The following INSR variants were observed in gnomAD, a reference collection of about 807,000 sequenced individuals.
INSR encodes the protein insulin receptor.
INSR carries 67 observed loss-of-function variants against 142.6 expected under a neutral mutation model. The ratio of observed to expected loss-of-function variants is 0.47; its 90% CI spans 0.39 to 0.58. The LOEUF is 0.58. Ranked by LOEUF, INSR falls within the 20% of genes least tolerant of loss-of-function variation. The pLI is 0.00. For synonymous variants in INSR, 756 were observed against 743.1 expected (o/e 1.02, Z -0.28); for missense variants, 1,248 against 1,833.2 (o/e 0.68, Z 5.83).
At chr19:7,185,917 G>A (rs1047893281) in intron 2 of INSR, among the ~76,000 whole-genome samples, 2 of 140,236 alleles carry the variant, frequency 1.4e-5, no homozygotes, top group Non-Finnish European at 3.1e-5. Context: ...AAAAAAGGCT[G>A]GTTGTGGTGG....
Position 7,166,009 on chromosome 19 carries a change from G to A in INSR, c.1861+145C>T. 3 of 900,036 alleles carry A rather than the reference G, an allele frequency of 3.3e-6. No individual in the cohort carries two copies. Among genetic ancestry groups the A allele is most frequent in the East Asian group, 2.7e-5 (1 of 37,456 alleles). The allele number at this position is 900,036 out of a possible 1,614,324, so 55.8% of individuals were successfully genotyped here. On this transcript the variant is annotated intron_variant, in intron 8 of 21. Transcript: ENST00000302850. The surrounding 1 kb of genome is among the most constrained non-coding windows in gnomAD (Gnocchi z 4.1). ...ACCCCACTGCATTGCACTCTAGCCT[G>A]GGTGACAAAGTAAGACCCTGTCTAA...
At chr19:7,269,237 A>G (rs1967837873) in intron 1 of INSR, among the ~76,000 whole-genome samples, 1 of 151,962 alleles carries the variant, frequency 6.6e-6, no homozygotes, top group South Asian at 2.1e-4. Flanking sequence ...CACCCTGAGA[A>G]TTACCCACAA....
intron 13 of INSR, among the ~76,000 whole-genome samples, chr19:7,140,324 A>C (rs1221075176): frequency 6.6e-6 from 1 of 152,174 alleles, no homozygotes; most frequent in South Asian, 2.1e-4. Context: ...AACCTGGTCC[A>C]CCACGTGTTT....
At position 7,246,030 on chromosome 19, in the gene INSR, C is replaced by T. The variant is rs1976528313; in HGVS notation, c.652+21315G>A. Among the ~76,000 whole-genome samples, 2 of 152,228 alleles carry T rather than the reference C, an allele frequency of 1.3e-5. 1 individual carries two copies. Among genetic ancestry groups the T allele is most frequent in the South Asian group, 4.2e-4 (2 of 4,814 alleles). ...TTAATGTCCTCAGTCACACCATACACAGTCCTGATGTCCAATTGAGCTCCA... is the reference window on the plus strand; with the variant it reads ...TTAATGTCCTCAGTCACACCATACATAGTCCTGATGTCCAATTGAGCTCCA... On this transcript the variant is annotated intron_variant, in intron 2 of 21. Transcript: ENST00000302850.
chr19:7,280,112 A>G (rs1197722544), intron 1 of INSR, among the ~76,000 whole-genome samples: 4 of 151,446 alleles, frequency 2.6e-5, no homozygotes. Flanking sequence ...AAAAATACAA[A>G]AATTAGCCGG....
At chr19:7,167,941 C>G in intron 7 of INSR, 27 bp downstream of exon 7, 1 of 1,613,620 alleles carries the variant, frequency 6.2e-7, no homozygotes, top group Non-Finnish European at 8.5e-7. Flanking sequence ...CTCGCCTCCT[C>G]AGCGTCTCTC....
At chr19:7,269,048 A>ACACACACACC (rs1967830200) in intron 1 of INSR, among the ~76,000 whole-genome samples, 1 of 138,564 alleles carries the variant, frequency 7.2e-6, no homozygotes, top group East Asian at 1.9e-4. Flanking sequence ...CCACACACAC[A>ACACACACACC]CACACACACA....
chr19:7,240,113 A>T (rs1230962075), intron 2 of INSR, among the ~76,000 whole-genome samples: 1 of 152,228 alleles, frequency 6.6e-6, no homozygotes, highest in Non-Finnish European at 1.5e-5. Flanking sequence ...CAAAATACAC[A>T]ATGGCTTCCT....
chr19:7,123,049 C>T (rs1239196742), intron 17 of INSR, 60 bp from the exon 18 acceptor site: 1 of 1,231,552 alleles, frequency 8.1e-7, no homozygotes, highest in Admixed American at 2.0e-5. Context: ...CACCAGGGTT[C>T]TCCTCCCTCC....
At chr19:7,133,338 A>C (rs1244365238) in intron 13 of INSR, among the ~76,000 whole-genome samples, 1 of 152,190 alleles carries the variant, frequency 6.6e-6, no homozygotes, top group Admixed American at 6.5e-5. Context: ...TTACAGTATA[A>C]ATTGTGGAAT....
chr19:7,231,253 G>A (rs143613041), intron 2 of INSR, among the ~76,000 whole-genome samples: 45 of 151,064 alleles, frequency 3.0e-4, no homozygotes, highest in African/African-American at 9.3e-4. Context: ...TGCTGTTTTC[G>A]TTCAAACGCT....
intron 4 of INSR, among the ~76,000 whole-genome samples, chr19:7,174,098 C>T (rs1974080730): frequency 6.7e-6 from 1 of 149,710 alleles, no homozygotes; most frequent in South Asian, 2.1e-4. Flanking sequence ...GCCTGGGCAA[C>T]ATAGTGAGAA....
chr19:7,225,355 C>G lies in INSR; in HGVS notation c.653-40718G>C, dbSNP rs1165414518. Among the ~76,000 whole-genome samples, 2 of 152,122 alleles carry G rather than the reference C, an allele frequency of 1.3e-5. No homozygotes were observed. Among genetic ancestry groups the G allele is most frequent in the Non-Finnish European group, 2.9e-5 (2 of 68,026 alleles). On this transcript the variant is annotated intron_variant, in intron 2 of 21. Transcript: ENST00000302850. This position sits in a 1 kb window ranked among gnomAD's most constrained non-coding sequence, Gnocchi z 4.7. The stretch of plus-strand genomic sequence containing the variant: ...CCCTTCCCCGACACTTTCTCCAGAT[C>G]AGCTTAGGGGTGCTTGAGTGCCTGA...
At position 7,215,581 on chromosome 19, in the gene INSR, T is replaced by TA. The variant is rs56225367; in HGVS notation, c.653-30945_653-30944insT. 8.4e-3 allele frequency among the ~76,000 whole-genome samples: 1,217 copies of TA among 144,598 alleles called. 9 individuals carry two copies. Among genetic ancestry groups the TA allele is most frequent in the Middle Eastern group, 0.034 (10 of 292 alleles). 94.9% of individuals were successfully genotyped at this position (144,598 alleles called of 152,430 possible). A position where few individuals can be genotyped will look rare whatever the true frequency, so the allele number is the denominator to read the frequency against. The stretch of plus-strand genomic sequence containing the variant: ...GTATTTATTTATTTATTTATTTATT[T>TA]TTTTGAGATGGAGTCTTGCTCTGTC... On this transcript the variant is annotated intron_variant, in intron 2 of 21. Coordinates refer to ENST00000302850, the MANE Select transcript of INSR (RefSeq NM_000208.4).
At position 7,239,996 on chromosome 19, in the gene INSR, G is replaced by A. The variant is rs190338296; in HGVS notation, c.652+27349C>T. ...GTCGCCCAGGCTGGAGTGCAGTGGCGCCATCTCAGCTCACTGCAAGCTCTC... is the reference window on the plus strand; with the variant it reads ...GTCGCCCAGGCTGGAGTGCAGTGGCACCATCTCAGCTCACTGCAAGCTCTC... On this transcript the variant is annotated intron_variant, in intron 2 of 21. Coordinates refer to ENST00000302850, the MANE Select transcript of INSR (RefSeq NM_000208.4). Among the ~76,000 whole-genome samples, 99 of 152,186 alleles carry A rather than the reference G, an allele frequency of 6.5e-4. 2 individuals carry two copies. Among genetic ancestry groups the A allele is most frequent in the African/African-American group, 2.0e-3 (84 of 41,546 alleles).
At chr19:7,275,228 G>C (rs552758532) in intron 1 of INSR, among the ~76,000 whole-genome samples, 18 of 151,736 alleles carry the variant, frequency 1.2e-4, no homozygotes, top group African/African-American at 4.1e-4. Context: ...ACCTGCCTTG[G>C]CCTCCCAAAG....
At position 7,293,785 on chromosome 19, in the gene INSR, G is replaced by A; in HGVS notation, c.100+7C>T. 7.4e-7 allele frequency: 1 copy of A among 1,357,504 alleles called. No individual in the cohort carries two copies. Among genetic ancestry groups the A allele is most frequent in the Non-Finnish European group, 9.5e-7 (1 of 1,049,874 alleles). 84.1% of individuals were successfully genotyped at this position (1,357,504 alleles called of 1,614,324 possible). A position where few individuals can be genotyped will look rare whatever the true frequency, so the allele number is the denominator to read the frequency against. ...CTCCCCGCCCACGCCCGCGCCCCCA[G>A]ACTCACCCTCTCCGGGGTACAGGTG... On this transcript the variant is annotated splice_region_variant and intron_variant, in intron 1 of 21. Transcript: ENST00000302850.
Position 7,125,628 on chromosome 19 carries a change from T to C in INSR, c.3014-101A>G. 6.7e-7 allele frequency: 1 copy of C among 1,497,712 alleles called. No individual in the cohort carries two copies. The highest frequency in any genetic ancestry group is 1.1e-5 in the South Asian group (1 of 87,604). The allele number at this position is 1,497,712 out of a possible 1,614,324, so 92.8% of individuals were successfully genotyped here. A position where few individuals can be genotyped will look rare whatever the true frequency, so the allele number is the denominator to read the frequency against. The stretch of plus-strand genomic sequence containing the variant: ...ACCCAAACCCCCTCGAAAACACTCA[T>C]GAAATGAGTTCTGTGATCCAGGACC... On this transcript the variant is annotated intron_variant, in intron 16 of 21. Coordinates refer to ENST00000302850, the MANE Select transcript of INSR (RefSeq NM_000208.4). This position sits in a 1 kb window ranked among gnomAD's most constrained non-coding sequence, Gnocchi z 4.9.
rs890440075 is a variant in INSR at position 7,132,024 on chromosome 19, C to T, written c.2842+134G>A. On this transcript the variant is annotated intron_variant, in intron 14 of 21. Coordinates refer to ENST00000302850, the MANE Select transcript of INSR (RefSeq NM_000208.4). Reference sequence around the variant, plus strand: ...GTGCAGGATCAAAGAGGGCAAGCACCGCAGCAGCTGATAGGCCTGAGAGTC... The same window carrying T: ...GTGCAGGATCAAAGAGGGCAAGCACTGCAGCAGCTGATAGGCCTGAGAGTC... The T allele has an allele frequency of 2.7e-5, 30 of 1,097,404 alleles. 1 individual carries two copies. The highest frequency in any genetic ancestry group is 2.2e-4 in the Middle Eastern group (1 of 4,606). 68.0% of individuals were successfully genotyped at this position (1,097,404 alleles called of 1,614,324 possible). A position where few individuals can be genotyped will look rare whatever the true frequency, so the allele number is the denominator to read the frequency against.
Sources: allele counts gnomAD v4.1 joint callset (sites outside exome capture counted in the v4.1 genomes callset), GRCh38; gene constraint gnomAD v4.1.1; non-coding constraint Gnocchi (gnomAD v3.1); transcripts MANE v1.5; gene names NCBI Gene and HGNC (gene_info 2026-07-23, HGNC 2026-07-21).